Variants in SH3GL2 observed in about 807,000 individuals in gnomAD.
The protein encoded by SH3GL2 is endophilin-A1.
In SH3GL2, 24 loss-of-function variants were observed where a neutral mutation model predicts 46.0. The ratio of observed to expected loss-of-function variants is 0.52; its 90% CI spans 0.38 to 0.73. The LOEUF (loss-of-function observed/expected upper bound fraction) is 0.73, where lower values mean the gene tolerates loss of function less well. Among genes scored for constraint, SH3GL2 ranks in the 30% least tolerant of loss-of-function variants. The pLI is 0.00. For missense variants in SH3GL2, 413 were observed against 424.2 expected, an observed-to-expected ratio of 0.97 and a Z score of 0.23; for synonymous variants, 196 against 147.1, an observed-to-expected ratio of 1.33 and a Z score of -2.40.
intron 1 of SH3GL2, among the ~76,000 whole-genome samples, chr9:17,624,193 T>C (rs1297235851): frequency 6.6e-6 from 1 of 152,234 alleles, no homozygotes; most frequent in Non-Finnish European, 1.5e-5. Context: ...GATGTGTCCT[T>C]GCCAGGATGT....
chr9:17,659,278 G>A (rs1820158389), intron 1 of SH3GL2, among the ~76,000 whole-genome samples: 2 of 152,182 alleles, frequency 1.3e-5, no homozygotes, highest in African/African-American at 4.8e-5. Context: ...CCTTTGGTCT[G>A]CAGCATTGTC....
chr9:17,580,103 G>C (rs1385944172), intron 1 of SH3GL2, among the ~76,000 whole-genome samples: 1 of 152,108 alleles, frequency 6.6e-6, no homozygotes, highest in Non-Finnish European at 1.5e-5. Flanking sequence ...AAAATCATTG[G>C]ACTCAAAGAA....
In SH3GL2 at chr9:17,617,597, A is replaced by G. The variant is rs12553176; in HGVS notation, c.45+38310A>G. Reference sequence around the variant, plus strand: ...GGCTCACTTGAGTATCACATATTTGAAGATGCCTGTTAACATCTTTCGAGA... The same window carrying G: ...GGCTCACTTGAGTATCACATATTTGGAGATGCCTGTTAACATCTTTCGAGA... On this transcript the variant is annotated intron_variant, in intron 1 of 8. Coordinates refer to ENST00000380607, the MANE Select transcript of SH3GL2 (RefSeq NM_003026.5). Among the ~76,000 whole-genome samples, 203 of 152,326 alleles carry G rather than the reference A, an allele frequency of 1.3e-3. 1 individual carries two copies. The highest frequency in any genetic ancestry group is 9.5e-3 in the Admixed American group (146 of 15,288).
At chr9:17,634,921 C>T (rs932958203) in intron 1 of SH3GL2, among the ~76,000 whole-genome samples, 1 of 152,130 alleles carries the variant, frequency 6.6e-6, no homozygotes, top group Non-Finnish European at 1.5e-5. Flanking sequence ...TGTGGGGAAG[C>T]ATAGGATTCA....
At chr9:17,630,890 A>T (rs1233261406) in intron 1 of SH3GL2, among the ~76,000 whole-genome samples, 1 of 151,928 alleles carries the variant, frequency 6.6e-6, no homozygotes, top group Non-Finnish European at 1.5e-5. Context: ...AAATTCCTTC[A>T]CCCATGGCCC....
intron 1 of SH3GL2, among the ~76,000 whole-genome samples, chr9:17,700,493 T>C (rs1821320468): frequency 6.6e-6 from 1 of 152,242 alleles, no homozygotes; most frequent in East Asian, 1.9e-4. Context: ...GTTCCCTGGA[T>C]TCCTGTGGTT....
chr9:17,654,551 G>A (rs184753390), intron 1 of SH3GL2, among the ~76,000 whole-genome samples: 296 of 152,290 alleles, frequency 1.9e-3, no homozygotes, highest in African/African-American at 6.8e-3. Flanking sequence ...CTGTGAAAGC[G>A]TAGATTAGGG....
chr9:17,741,971 A>T (rs1343353483), intron 1 of SH3GL2, among the ~76,000 whole-genome samples: 1 of 152,158 alleles, frequency 6.6e-6, no homozygotes, highest in African/African-American at 2.4e-5. Flanking sequence ...AGAAAAGGAA[A>T]TAGTTTCAGG....
intron 1 of SH3GL2, among the ~76,000 whole-genome samples, chr9:17,733,351 G>A (rs1436270070): frequency 6.6e-6 from 1 of 151,656 alleles, no homozygotes; most frequent in East Asian, 1.9e-4. Flanking sequence ...ATGTATACAT[G>A]TGACATGCTG....
chr9:17,588,207 A>G (rs1818415758), intron 1 of SH3GL2, among the ~76,000 whole-genome samples: 1 of 152,196 alleles, frequency 6.6e-6, no homozygotes, highest in Admixed American at 6.5e-5. Context: ...CCAAAGGGAA[A>G]GAATATGTTT....
At chr9:17,753,148 G>A (rs952347515) in intron 2 of SH3GL2, among the ~76,000 whole-genome samples, 3 of 152,054 alleles carry the variant, frequency 2.0e-5, no homozygotes, top group South Asian at 2.1e-4. Context: ...TTGCTATTAC[G>A]AATAGTGCTG....
chr9:17,591,630 G>A (rs1818483027), intron 1 of SH3GL2, among the ~76,000 whole-genome samples: 1 of 152,178 alleles, frequency 6.6e-6, no homozygotes, highest in Admixed American at 6.5e-5. Flanking sequence ...CTTGTATTGT[G>A]TAGTGCTGAG....
At chr9:17,751,409 T>G (rs1822838775) in intron 2 of SH3GL2, among the ~76,000 whole-genome samples, 1 of 152,038 alleles carries the variant, frequency 6.6e-6, no homozygotes, top group Non-Finnish European at 1.5e-5. Context: ...GGGAGATAGA[T>G]TCTGGCTCAA....
chr9:17,634,622 T>A (rs1819502455), intron 1 of SH3GL2, among the ~76,000 whole-genome samples: 2 of 152,242 alleles, frequency 1.3e-5, no homozygotes, highest in African/African-American at 4.8e-5. Flanking sequence ...AGGTGTTCTT[T>A]AAGGCTTAAA....
intron 2 of SH3GL2, 68 bp from the exon 3 acceptor site, chr9:17,761,369 T>C (rs577022077): frequency 3.1e-5 from 31 of 999,064 alleles, no homozygotes; most frequent in Non-Finnish European, 4.7e-5. Flanking sequence ...GTATACAGAC[T>C]CAACCAAAAA....
At chr9:17,690,463 C>G (rs1238756205) in intron 1 of SH3GL2, among the ~76,000 whole-genome samples, 1 of 152,052 alleles carries the variant, frequency 6.6e-6, no homozygotes, top group Non-Finnish European at 1.5e-5. Flanking sequence ...CCTCTTTAGA[C>G]TTGACAACAT....
At chr9:17,738,360 A>G (rs369027768) in intron 1 of SH3GL2, among the ~76,000 whole-genome samples, 1 of 151,308 alleles carries the variant, frequency 6.6e-6, no homozygotes, top group Non-Finnish European at 1.5e-5. Context: ...TCCCTTTCCT[A>G]ATATATGGTC....
At position 17,736,976 on chromosome 9, in the gene SH3GL2, G is replaced by C. The variant is rs937720334; in HGVS notation, c.46-10090G>C. Among the ~76,000 whole-genome samples the C allele has an allele frequency of 5.3e-5, 8 of 152,048 alleles. 1 individual carries two copies. The highest frequency in any genetic ancestry group is 1.9e-4 in the African/African-American group (8 of 41,388). ...CCAAATGCCCATCAATGATAGATTG[G>C]ATAAAGAAAATGTGGCACATATACA... On this transcript the variant is annotated intron_variant, in intron 1 of 8. Coordinates refer to ENST00000380607, the MANE Select transcript of SH3GL2 (RefSeq NM_003026.5).
intron 1 of SH3GL2, among the ~76,000 whole-genome samples, chr9:17,645,142 C>A (rs1379250939): frequency 8.2e-6 from 1 of 121,270 alleles, no homozygotes; most frequent in African/African-American, 3.0e-5. Context: ...ACTAGGATTG[C>A]AAACGCTGCT....
Sources: gnomAD v4.1 joint callset for allele counts (sites outside exome capture counted in the v4.1 genomes callset) on GRCh38, gnomAD v4.1.1 for gene constraint, MANE v1.5 for transcripts, NCBI Gene and HGNC (gene_info 2026-07-23, HGNC 2026-07-21) for gene names.